Variants in FAM13B observed in about 807,000 individuals in gnomAD.
The protein encoded by FAM13B is family with sequence similarity 13 member B, also known as protein FAM13B.
A neutral mutation model predicts 117.3 loss-of-function variants in FAM13B; 60 were observed. The ratio of observed to expected loss-of-function variants is 0.51; its 90% CI spans 0.42 to 0.63. The LOEUF is 0.63. FAM13B is among the 30% of genes least tolerant of loss of function. FAM13B has a pLI of 0.00. For missense variants in FAM13B, 972 were observed against 1,091.9 expected (o/e 0.89, Z 1.55); for synonymous variants, 332 against 356.1 (o/e 0.93, Z 0.76).
intron 7 of FAM13B, among the ~76,000 whole-genome samples, chr5:137,996,020 G>GT (rs1300332900): frequency 3.3e-5 from 5 of 152,138 alleles, no homozygotes; most frequent in Non-Finnish European, 7.3e-5. Context: ...TTTGCAAACT[G>GT]TATGACTCGA....
upstream of FAM13B, among the ~76,000 whole-genome samples, chr5:138,034,995 C>CTTTTTTTTTTGTTTTT (rs1790977858): frequency 2.9e-5 from 1 of 34,364 alleles, no homozygotes; most frequent in East Asian, 1.4e-3. Flanking sequence ...ATTCCCTTGC[C>CTTTTTTTTTTGTTTTT]TTTTTTTTTT....
intron 12 of FAM13B, among the ~76,000 whole-genome samples, 184 bp from the exon 13 acceptor site, chr5:137,959,947 T>C (rs767649427): frequency 2.0e-5 from 3 of 152,204 alleles, no homozygotes; most frequent in Admixed American, 1.3e-4. Context: ...ATATGTCTTA[T>C]TGGAAGACAA....
Position 138,018,351 on chromosome 5 carries a change from T to TCTTCAAGAAC in FAM13B, c.320_321insGTTCTTGAAG (p.Pro108PhefsTer22). On this transcript the variant is annotated frameshift_variant, in exon 4 of 24. Coordinates refer to ENST00000689681, the MANE Select transcript of FAM13B (RefSeq NM_001385994.1). LOFTEE classifies it high-confidence loss of function. ...TATGTAAACTGCCAGGGATAACAGGTTCAGGAAGTTCTTGAAGAAAAAATC... is the reference window on the plus strand; with the variant it reads ...TATGTAAACTGCCAGGGATAACAGGTCTTCAAGAACTCAGGAAGTTCTTGAAGAAAAAATC... 6.2e-7 allele frequency: 1 copy of TCTTCAAGAAC among 1,614,138 alleles called. No homozygotes were observed. Among genetic ancestry groups the TCTTCAAGAAC allele is most frequent in the South Asian group, 1.1e-5 (1 of 91,080 alleles).
At chr5:137,962,323 T>G in intron 11 of FAM13B, 82 bp downstream of exon 11, 1 of 1,092,958 alleles carries the variant, frequency 9.1e-7, no homozygotes. Flanking sequence ...TAATGGACAT[T>G]CATCTAAAAA....
At position 137,964,578 on chromosome 5, in the gene FAM13B, G is replaced by A. The variant is rs191438252; in HGVS notation, c.1180-2109C>T. Among the ~76,000 whole-genome samples the A allele has an allele frequency of 4.1e-4, 61 of 148,094 alleles. 1 individual carries two copies. The East Asian group carries it at 9.8e-3, about 24-fold the overall frequency. ...TCCACTAAAAATACAAAAATTAGCC[G>A]GGCGTGGTAGCACACACCTGTAGTC... On this transcript the variant is annotated intron_variant, in intron 10 of 23. Coordinates refer to ENST00000689681, the MANE Select transcript of FAM13B (RefSeq NM_001385994.1).
chr5:138,026,365 C>G (rs942101158), intron 1 of FAM13B, among the ~76,000 whole-genome samples: 3 of 152,122 alleles, frequency 2.0e-5, no homozygotes, highest in Non-Finnish European at 4.4e-5. Context: ...ATGGTTCACA[C>G]CCGTAATCCC....
At position 138,033,070 on chromosome 5, in the gene FAM13B, G is replaced by A; in HGVS notation, c.-491C>T. On this transcript the variant is annotated 5_prime_UTR_variant, in exon 1 of 24. Transcript: ENST00000689681. ...GAGCCTCCCTAACGGCGAGCGGGAGGAGAGCGGCTGGCGGGCGGAGGCCGG... is the reference window on the plus strand; with the variant it reads ...GAGCCTCCCTAACGGCGAGCGGGAGAAGAGCGGCTGGCGGGCGGAGGCCGG... The A allele has an allele frequency of 1.0e-6, 1 of 985,978 alleles. No homozygotes were observed. The highest frequency in any genetic ancestry group is 1.2e-6 in the Non-Finnish European group (1 of 830,614). 61.1% of individuals were successfully genotyped at this position (985,978 alleles called of 1,614,324 possible).
rs554318240 is a variant in FAM13B, at chr5:138,012,228, T to TG, written c.371-284_371-283insC. Among the ~76,000 whole-genome samples the TG allele has an allele frequency of 6.3e-3, 949 of 150,078 alleles. 12 individuals carry two copies. The highest frequency in any genetic ancestry group is 0.017 in the Middle Eastern group (5 of 290). ...TGGCCCCAATTCTCTTTTTTTTTTT[T>TG]TTTTTTTTTTAATTCTCATCCTACT... On this transcript the variant is annotated intron_variant, in intron 4 of 23. Coordinates refer to ENST00000689681, the MANE Select transcript of FAM13B (RefSeq NM_001385994.1).
intron 10 of FAM13B, among the ~76,000 whole-genome samples, chr5:137,984,670 C>T (rs1041979907): frequency 3.3e-5 from 5 of 152,130 alleles, no homozygotes; most frequent in South Asian, 2.1e-4. Flanking sequence ...CTAAGAAATA[C>T]GGAAGCTGTC....
At chr5:138,047,240 C>A (rs1391447231) in intron 1 of FAM13B, among the ~76,000 whole-genome samples, 1 of 151,232 alleles carries the variant, frequency 6.6e-6, no homozygotes, top group African/African-American at 2.4e-5. Context: ...GGCGCGGTGG[C>A]TCATACCTGT....
At chr5:138,020,780 C>T (rs1387194956) in intron 2 of FAM13B, 1 of 203,628 alleles carries the variant, frequency 4.9e-6, no homozygotes, top group African/African-American at 2.3e-5. Flanking sequence ...AAGTGTATAC[C>T]CACTGGATCA....
chr5:137,974,607 A>G (rs1773352503), intron 10 of FAM13B, among the ~76,000 whole-genome samples: 1 of 149,416 alleles, frequency 6.7e-6, no homozygotes, highest in South Asian at 2.2e-4. Flanking sequence ...CTTAAAGTAT[A>G]ATAATAATAA....
chr5:137,964,300 T>C (rs1414148003), intron 10 of FAM13B, among the ~76,000 whole-genome samples: 2 of 151,880 alleles, frequency 1.3e-5, no homozygotes, highest in Non-Finnish European at 2.9e-5. Context: ...TTAGTAGAGA[T>C]GGGTTTCGGC....
At chr5:138,020,091 G>A (rs750406594) in intron 2 of FAM13B, 82 of 786,274 alleles carry the variant, frequency 1.0e-4, no homozygotes, top group African/African-American at 1.5e-4. Flanking sequence ...ACAGAGTTTC[G>A]CTCTTTTTGC....
chr5:137,982,337 G>C (rs1009835614), intron 10 of FAM13B, among the ~76,000 whole-genome samples: 1 of 152,204 alleles, frequency 6.6e-6, no homozygotes, highest in African/African-American at 2.4e-5. Flanking sequence ...CAGATCACCT[G>C]AGGTCAGGAG....
intron 1 of FAM13B, among the ~76,000 whole-genome samples, chr5:138,040,403 A>T (rs1791457511): frequency 6.6e-6 from 1 of 151,544 alleles, no homozygotes; most frequent in South Asian, 2.1e-4. Context: ...CGCTGTCTCT[A>T]CTAAAAATAT....
At chr5:137,993,356 G>A (rs541400116) in intron 7 of FAM13B, among the ~76,000 whole-genome samples, 33 of 152,228 alleles carry the variant, frequency 2.2e-4, no homozygotes, top group African/African-American at 6.5e-4. Context: ...GGCCAGCCAC[G>A]GCAGCTCATG....
intron 17 of FAM13B, 106 bp downstream of exon 17, chr5:137,952,522 A>G: frequency 1.4e-6 from 1 of 734,256 alleles, no homozygotes; most frequent in Non-Finnish European, 2.2e-6. Flanking sequence ...TTTGTCAAAC[A>G]GTGCCCAAGA....
At chr5:137,964,077 T>A (rs1233997882) in intron 10 of FAM13B, among the ~76,000 whole-genome samples, 3 of 152,106 alleles carry the variant, frequency 2.0e-5, no homozygotes, top group Admixed American at 6.5e-5. Flanking sequence ...TTAAAAAAAT[T>A]TTTTGAGACA....
Sources: allele counts gnomAD v4.1 joint callset (sites outside exome capture counted in the v4.1 genomes callset), GRCh38; gene constraint gnomAD v4.1.1; transcripts MANE v1.5; gene names NCBI Gene and HGNC (gene_info 2026-07-23, HGNC 2026-07-21).